Variants in SSPN observed in about 807,000 individuals in gnomAD.
The protein encoded by SSPN is sarcospan, also known as K-ras oncogene-associated protein.
A neutral mutation model predicts 19.1 loss-of-function variants in SSPN; 15 were observed. The observed-to-expected ratio is 0.78, with a 90% CI of 0.52 to 1.21. The LOEUF (loss-of-function observed/expected upper bound fraction) is 1.21. Ranked by LOEUF, SSPN falls within the 50% of genes most tolerant of loss-of-function variation. The pLI is 0.00. For missense variants in SSPN, 291 were observed against 314.0 expected, an observed-to-expected ratio of 0.93 and a Z score of 0.55; for synonymous variants, 147 against 140.3, an observed-to-expected ratio of 1.05 and a Z score of -0.34.
intron 1 of SSPN, among the ~76,000 whole-genome samples, chr12:26,168,529 C>G (rs1481308992): frequency 1.3e-5 from 2 of 152,176 alleles, no homozygotes; most frequent in East Asian, 3.9e-4. Context: ...CTTCTGGATA[C>G]AGTTAGGCTG....
At chr12:26,161,213 AC>A (rs1489054630) in intron 1 of SSPN, among the ~76,000 whole-genome samples, 1 of 151,864 alleles carries the variant, frequency 6.6e-6, no homozygotes, top group Non-Finnish European at 1.5e-5. Context: ...CAGAGTATTG[AC>A]TGAGGTCTAC....
chr12:26,138,901 A>G (rs1233770725), intron 1 of SSPN, among the ~76,000 whole-genome samples: 1 of 152,166 alleles, frequency 6.6e-6, no homozygotes, highest in Non-Finnish European at 1.5e-5. Context: ...TTAAACAGTG[A>G]TCATGAATTT....
chr12:26,198,660 G>C (rs1247478099), intron 1 of SSPN, among the ~76,000 whole-genome samples: 1 of 152,156 alleles, frequency 6.6e-6, no homozygotes, highest in East Asian at 1.9e-4. Context: ...AGACTAGTTT[G>C]AACCCTGAAG....
intron 1 of SSPN, among the ~76,000 whole-genome samples, chr12:26,201,250 C>T (rs1238944840): frequency 6.6e-6 from 1 of 150,788 alleles, no homozygotes. Context: ...TGGTGGCACC[C>T]ACCTGTAGTC....
At chr12:26,181,716 G>A (rs1488326454) in intron 1 of SSPN, among the ~76,000 whole-genome samples, 1 of 151,980 alleles carries the variant, frequency 6.6e-6, no homozygotes, top group Non-Finnish European at 1.5e-5. Flanking sequence ...GAGATAAATC[G>A]ACTGACAGAA....
chr12:26,176,701 CTT>C (rs1240983675), intron 1 of SSPN, among the ~76,000 whole-genome samples: 8 of 152,200 alleles, frequency 5.3e-5, no homozygotes, highest in African/African-American at 1.9e-4. Context: ...GAAGTAGCGA[CTT>C]TGTCCTCTAA....
chr12:26,188,288 A>G (rs762633216), intron 1 of SSPN, among the ~76,000 whole-genome samples: 15 of 152,178 alleles, frequency 9.9e-5, no homozygotes, highest in Non-Finnish European at 2.1e-4. Context: ...GAAAAAGAAC[A>G]CGACCCACAA....
chr12:26,184,444 A>C (rs1034328288), intron 1 of SSPN, among the ~76,000 whole-genome samples: 1 of 152,222 alleles, frequency 6.6e-6, no homozygotes, highest in African/African-American at 2.4e-5. Flanking sequence ...ATAGAAGTTC[A>C]AGAAAGACAC....
chr12:26,231,884 T>C lies in SSPN; in HGVS notation c.*808T>C. On this transcript the variant is annotated 3_prime_UTR_variant, in exon 3 of 3. Coordinates refer to ENST00000242729, the MANE Select transcript of SSPN (RefSeq NM_005086.5). The stretch of plus-strand genomic sequence containing the variant: ...TCTAGCTAATTGTTAATTATAATTA[T>C]GCTCAGAAGTCTATTTAATGAGCTC... The C allele has an allele frequency of 1.1e-6, 1 of 913,002 alleles. No individual in the cohort carries two copies. Among genetic ancestry groups the C allele is most frequent in the Non-Finnish European group, 1.3e-6 (1 of 763,798 alleles). 56.6% of individuals were successfully genotyped at this position (913,002 alleles called of 1,614,324 possible).
In SSPN at chr12:26,207,626, C is replaced by T. The variant is rs745367728; in HGVS notation, c.279+11675C>T. 2.6e-5 allele frequency among the ~76,000 whole-genome samples: 4 copies of T among 152,224 alleles called. No homozygotes were observed. The South Asian group carries it at 8.3e-4, about 32-fold the overall frequency. ...GTATCATATCATTTCTGCTCAACAT[C>T]GTTTTTGAGATTTATTTATAATAGT... is the stretch of plus-strand genomic sequence containing the variant. On this transcript the variant is annotated intron_variant, in intron 1 of 2. Coordinates refer to ENST00000242729, the MANE Select transcript of SSPN (RefSeq NM_005086.5).
chr12:26,136,298 A>G (rs975967319), intron 1 of SSPN, among the ~76,000 whole-genome samples: 33 of 152,300 alleles, frequency 2.2e-4, no homozygotes, highest in African/African-American at 7.7e-4. Context: ...CCCTGCAGAT[A>G]CCAAGGGATA....
At chr12:26,175,307 A>G (rs553632293) in intron 1 of SSPN, among the ~76,000 whole-genome samples, 1 of 152,268 alleles carries the variant, frequency 6.6e-6, no homozygotes, top group African/African-American at 2.4e-5. Flanking sequence ...ATGATACTGA[A>G]CATTTTCTCA....
chr12:26,138,649 A>G (rs1336694089), intron 1 of SSPN, among the ~76,000 whole-genome samples: 1 of 142,498 alleles, frequency 7.0e-6, no homozygotes. Context: ...TGACTATCAC[A>G]TTGCACAAGG....
chr12:26,226,973 T>C (rs935441241), intron 2 of SSPN, among the ~76,000 whole-genome samples: 1 of 151,976 alleles, frequency 6.6e-6, no homozygotes, highest in African/African-American at 2.4e-5. Context: ...GCGCTGCTGT[T>C]ACATAAGCGC....
intron 1 of SSPN, among the ~76,000 whole-genome samples, chr12:26,137,030 C>A (rs1944429388): frequency 6.6e-6 from 1 of 152,190 alleles, no homozygotes; most frequent in Non-Finnish European, 1.5e-5. Context: ...TTCTTTATTT[C>A]AGCCATTCTA....
intron 1 of SSPN, chr12:26,122,348 G>T: frequency 8.4e-7 from 1 of 1,184,162 alleles, no homozygotes; most frequent in Non-Finnish European, 1.0e-6. Context: ...GGATGCCGGG[G>T]TATAGCAGCG....
At chr12:26,168,105 C>T (rs774921225) in intron 1 of SSPN, among the ~76,000 whole-genome samples, 2 of 150,460 alleles carry the variant, frequency 1.3e-5, no homozygotes, top group South Asian at 2.1e-4. Flanking sequence ...CCCACCTACT[C>T]GAGAGGCTGA....
intron 1 of SSPN, chr12:26,122,436 G>T: frequency 7.4e-7 from 1 of 1,355,440 alleles, no homozygotes. Context: ...CACGTAGGCG[G>T]CAGCTGCAGA....
intron 1 of SSPN, among the ~76,000 whole-genome samples, chr12:26,132,128 G>A (rs1211794837): frequency 6.6e-6 from 1 of 152,152 alleles, no homozygotes; most frequent in African/African-American, 2.4e-5. Context: ...AGCTGACTTG[G>A]AATTTCTGAT....
Sources: gnomAD v4.1 joint callset for allele counts (sites outside exome capture counted in the v4.1 genomes callset) on GRCh38, gnomAD v4.1.1 for gene constraint, MANE v1.5 for transcripts, NCBI Gene and HGNC (gene_info 2026-07-23, HGNC 2026-07-21) for gene names.